C9orf43: variants seen among roughly 807,000 people sequenced by gnomAD.
C9orf43 encodes the protein chromosome 9 open reading frame 43, also known as uncharacterized protein C9orf43.
Under a neutral mutation model 59.1 loss-of-function variants are expected in C9orf43, and 45 were observed. That is an observed-to-expected ratio of 0.76 (90% CI 0.60 to 0.98). C9orf43 has a LOEUF of 0.98. C9orf43 is among the 50% of genes least tolerant of loss of function. The pLI is 0.00. For missense variants in C9orf43, 533 were observed against 554.9 expected (o/e 0.96, Z 0.40); for synonymous variants, 203 against 196.8 (o/e 1.03, Z -0.26).
At chr9:113,421,644 T>A (rs1247928741) in intron 5 of C9orf43, among the ~76,000 whole-genome samples, 1 of 152,024 alleles carries the variant, frequency 6.6e-6, no homozygotes. Flanking sequence ...CAAAGACCAT[T>A]TGGTGAAGGC....
intron 7 of C9orf43, 112 bp downstream of exon 7, chr9:113,423,610 C>G (rs1828674313): frequency 9.8e-7 from 1 of 1,023,248 alleles, no homozygotes; most frequent in South Asian, 1.7e-5. Flanking sequence ...AACTATCACC[C>G]CGATTTGTTT....
intron 1 of C9orf43, among the ~76,000 whole-genome samples, chr9:113,411,766 C>T (rs1043380875): frequency 6.6e-5 from 10 of 152,144 alleles, no homozygotes; most frequent in Non-Finnish European, 1.0e-4. Flanking sequence ...GTAGCCTCGA[C>T]CTCCCTGGCT....
chr9:113,423,221 G>A, intron 6 of C9orf43, 105 bp from the exon 7 acceptor site: 1 of 1,125,530 alleles, frequency 8.9e-7, no homozygotes, highest in Non-Finnish European at 1.3e-6. Context: ...AGGCAACCAT[G>A]GCTGGAGTAC....
intron 9 of C9orf43, 108 bp from the exon 10 acceptor site, chr9:113,425,236 G>C (rs1234373679): frequency 1.3e-6 from 2 of 1,540,590 alleles, no homozygotes; most frequent in African/African-American, 2.7e-5. Flanking sequence ...AGCCCCTCTG[G>C]CTTGGTCCTT....
intron 6 of C9orf43, 92 bp from the exon 7 acceptor site, chr9:113,423,234 G>T: frequency 7.8e-7 from 1 of 1,287,604 alleles, no homozygotes; most frequent in Non-Finnish European, 1.1e-6. Flanking sequence ...TGGAGTACAT[G>T]CCAGGGTAGT....
rs781072419 is a variant in C9orf43, at chr9:113,413,848, T to G, written c.241T>G (p.Ser81Ala). 3 of 1,613,500 alleles carry G rather than the reference T, an allele frequency of 1.9e-6. No homozygotes were observed. Among genetic ancestry groups the G allele is most frequent in the Non-Finnish European group, 2.5e-6 (3 of 1,179,868 alleles). The part of the protein sequence containing the change: ...LPECTFTKAH[S>A]LLSQSSKFYS... Reference sequence around the variant, plus strand: ...AGAATGTACCTTTACTAAGGCCCATTCTTTATTGTCTCAGAGTTCAAAGTT... The same window carrying G: ...AGAATGTACCTTTACTAAGGCCCATGCTTTATTGTCTCAGAGTTCAAAGTT... Residue 81 changes from serine (S) to alanine (A), a missense_variant, in exon 3 of 14, where the codon TCT becomes GCT. Physicochemically the swap from Ser to Ala is moderately conservative, Grantham distance 99 (BLOSUM62 1). Coordinates refer to ENST00000374165, the MANE Select transcript of C9orf43 (RefSeq NM_001278629.2).
intron 3 of C9orf43, among the ~76,000 whole-genome samples, chr9:113,416,019 G>GCC (rs1362214019): frequency 6.6e-6 from 1 of 152,186 alleles, no homozygotes; most frequent in Non-Finnish European, 1.5e-5. Flanking sequence ...CCCCTGCCAT[G>GCC]CCCGCCATGT....
chr9:113,427,909 T>A (rs1828849066), intron 11 of C9orf43, among the ~76,000 whole-genome samples: 1 of 152,254 alleles, frequency 6.6e-6, no homozygotes, highest in African/African-American at 2.4e-5. Flanking sequence ...GGAGGAATCC[T>A]GGGTCTTTTA....
intron 3 of C9orf43, among the ~76,000 whole-genome samples, chr9:113,415,204 C>G (rs1471220956): frequency 6.6e-6 from 1 of 151,688 alleles, no homozygotes; most frequent in East Asian, 2.0e-4. Flanking sequence ...AGTACAGTGT[C>G]GTGATCTCGG....
intron 3 of C9orf43, among the ~76,000 whole-genome samples, chr9:113,416,164 C>G (rs2119064184): frequency 6.6e-6 from 1 of 152,348 alleles, no homozygotes; most frequent in East Asian, 1.9e-4. Flanking sequence ...TGGGTTTTTG[C>G]AGTGGCTTCT....
intron 11 of C9orf43, among the ~76,000 whole-genome samples, chr9:113,427,712 T>C (rs1188178248): frequency 6.6e-6 from 1 of 152,072 alleles, no homozygotes; most frequent in Non-Finnish European, 1.5e-5. Context: ...GAAAGGGAGA[T>C]TGAGAAAAGA....
At chr9:113,423,167 G>A (rs1828649221) in intron 6 of C9orf43, among the ~76,000 whole-genome samples, 159 bp from the exon 7 acceptor site, 1 of 152,182 alleles carries the variant, frequency 6.6e-6, no homozygotes, top group Admixed American at 6.5e-5. Context: ...AACAGAGTTG[G>A]GAGCTTGAGA....
chr9:113,423,375 G>T lies in C9orf43; in HGVS notation c.533G>T (p.Arg178Leu), dbSNP rs148106673. 1.7e-5 allele frequency: 27 copies of T among 1,614,084 alleles called. No individual in the cohort carries two copies. In the Admixed American group the frequency reaches 2.0e-4, roughly 12 times the overall value. The change falls in exon 7 of 14, where the codon CGA (arginine) becomes CTA (leucine). Residue 178 changes from arginine (R) to leucine (L), a missense_variant. Physicochemically the swap from Arg to Leu is moderately radical, Grantham distance 102. Transcript: ENST00000374165. Reference protein sequence around the residue: ...GLSGNQSAGTRVGTPGMIVPP... With the variant: ...GLSGNQSAGTLVGTPGMIVPP... ...TCTGGAAATCAGTCCGCAGGAACACGAGTAGGAACACCAGGGATGATCGTG... is the reference window on the plus strand; with the variant it reads ...TCTGGAAATCAGTCCGCAGGAACACTAGTAGGAACACCAGGGATGATCGTG...
chr9:113,425,107 G>A (rs776382577), intron 9 of C9orf43, 31 bp downstream of exon 9: 1 of 1,604,006 alleles, frequency 6.2e-7, no homozygotes, highest in East Asian at 2.2e-5. Context: ...GGATCTCTAA[G>A]CACCATTTTC....
intron 1 of C9orf43, among the ~76,000 whole-genome samples, chr9:113,411,429 G>C (rs35120599): frequency 0.04 from 6,063 of 151,696 alleles, 162 homozygotes; most frequent in South Asian, 0.1. Context: ...CTCCTTAGTA[G>C]CTGGGACTAC....
chr9:113,429,403 T>C lies in C9orf43; in HGVS notation c.*17T>C, dbSNP rs760716566. 3 of 1,609,498 alleles carry C rather than the reference T, an allele frequency of 1.9e-6. No homozygotes were observed. The highest frequency in any genetic ancestry group is 2.5e-6 in the Non-Finnish European group (3 of 1,176,712). ...GCAGAGTGAGAAGCCTCTGGAGGAA[T>C]AGACTGAAGGCATCCCCTGGGGCAG... On this transcript the variant is annotated 3_prime_UTR_variant, in exon 14 of 14. Coordinates refer to ENST00000374165, the MANE Select transcript of C9orf43 (RefSeq NM_001278629.2).
chr9:113,412,472 T>C (rs1828206984), intron 1 of C9orf43, among the ~76,000 whole-genome samples: 1 of 152,172 alleles, frequency 6.6e-6, no homozygotes, highest in Non-Finnish European at 1.5e-5. Context: ...TATTTAGTAA[T>C]CAATAAATGT....
chr9:113,422,824 G>A (rs1208561254), intron 6 of C9orf43, among the ~76,000 whole-genome samples: 2 of 152,170 alleles, frequency 1.3e-5, no homozygotes, highest in Middle Eastern at 3.4e-3. Flanking sequence ...GAACTGTTGC[G>A]TGTTCAGGGG....
At chr9:113,428,778 C>G (rs879854620) in intron 12 of C9orf43, 122 bp from the exon 13 acceptor site, 3 of 830,956 alleles carry the variant, frequency 3.6e-6, no homozygotes, top group East Asian at 2.6e-5. Context: ...TCTTCAGTCC[C>G]AAGAGGTGGG....
Sources: gnomAD v4.1 joint callset for allele counts (sites outside exome capture counted in the v4.1 genomes callset) on GRCh38, gnomAD v4.1.1 for gene constraint, MANE v1.5 for transcripts, NCBI Gene and HGNC (gene_info 2026-07-23, HGNC 2026-07-21) for gene names.